PCDHGA8: variants seen among roughly 807,000 people sequenced by gnomAD.
The protein encoded by PCDHGA8 is protocadherin gamma-A8.
A neutral mutation model predicts 59.2 loss-of-function variants in PCDHGA8; 45 were observed. The observed-to-expected ratio is 0.76, with a 90% CI of 0.60 to 0.98. The LOEUF (loss-of-function observed/expected upper bound fraction) is 0.98, where lower values mean the gene tolerates loss of function less well. Ranked by LOEUF, PCDHGA8 falls within the 50% of genes least tolerant of loss-of-function variation. PCDHGA8 has a pLI of 0.00. For missense variants in PCDHGA8, 1,257 were observed against 1,196.2 expected, an observed-to-expected ratio of 1.05 and a Z score of -0.75; for synonymous variants, 531 against 519.0, an observed-to-expected ratio of 1.02 and a Z score of -0.32.
At chr5:141,425,391 A>G (rs2096872046) in intron 1 of PCDHGA8, among the ~76,000 whole-genome samples, 1 of 152,238 alleles carries the variant, frequency 6.6e-6, no homozygotes, top group South Asian at 2.1e-4. Flanking sequence ...AGGTAGTGAT[A>G]AAGTTCTGTT....
At chr5:141,427,845 G>C in intron 1 of PCDHGA8, 1 of 1,550,582 alleles carries the variant, frequency 6.4e-7, no homozygotes, top group Non-Finnish European at 8.8e-7. Context: ...CTTCGACCAC[G>C]AGCAGCTGTG....
chr5:141,394,071 A>G lies in PCDHGA8; in HGVS notation c.1258A>G (p.Ile420Val), dbSNP rs953618981. The stretch of plus-strand genomic sequence containing the variant: ...CCGAGAAAATGTCTCTATCTACAAT[A>G]TCACAGTGATGGCCTCAGATCTAGG... ...LDRENVSIYN[I>V]TVMASDLGTP... Residue 420 changes from isoleucine (I) to valine (V), a missense_variant, in exon 1 of 4, where the codon ATC becomes GTC. Physicochemically the swap from Ile to Val is conservative, Grantham distance 29. Transcript: ENST00000398604. The G allele has an allele frequency of 6.2e-7, 1 of 1,613,908 alleles. No homozygotes were observed. The highest frequency in any genetic ancestry group is 8.5e-7 in the Non-Finnish European group (1 of 1,179,842).
intron 1 of PCDHGA8, among the ~76,000 whole-genome samples, chr5:141,473,132 T>C (rs2099314792): frequency 6.6e-6 from 1 of 152,230 alleles, no homozygotes; most frequent in Non-Finnish European, 1.5e-5. Context: ...TGGCAAACTA[T>C]ATTATCTCTT....
chr5:141,431,442 TCC>T lies in PCDHGA8; in HGVS notation c.2424+36206_2424+36207del. ...CCGGTGCGCACAGGCACCGCGCGCATCCGCGTGATGGTTCTGGATGCGAACGA... is the reference window on the plus strand; with the variant it reads ...CCGGTGCGCACAGGCACCGCGCGCATGCGTGATGGTTCTGGATGCGAACGA... On this transcript the variant is annotated intron_variant, in intron 1 of 3. Transcript: ENST00000398604. This position sits in a 1 kb window ranked among gnomAD's most constrained non-coding sequence, Gnocchi z 4.8. 1 of 1,613,746 alleles carries T rather than the reference TCC, an allele frequency of 6.2e-7. No homozygotes were observed. The highest frequency in any genetic ancestry group is 1.3e-5 in the African/African-American group (1 of 75,074).
Position 141,392,991 on chromosome 5 carries a change from G to A in PCDHGA8, c.178G>A (p.Ala60Thr). 1 of 1,613,904 alleles carries A rather than the reference G, an allele frequency of 6.2e-7. No individual in the cohort carries two copies. Among genetic ancestry groups the A allele is most frequent in the Middle Eastern group, 1.7e-4 (1 of 6,054 alleles). Residue 60 changes from alanine (A) to threonine (T), a missense_variant, in exon 1 of 4, where the codon GCG (alanine) becomes ACG (threonine). Ala to Thr is a moderately conservative substitution (Grantham distance 58). Coordinates refer to ENST00000398604, the MANE Select transcript of PCDHGA8 (RefSeq NM_032088.2). The part of the protein sequence containing the change: ...KDLGLDPRKL[A>T]KHGVRIVSRG... The stretch of plus-strand genomic sequence containing the variant: ...CCTGGGGCTGGACCCCCGGAAGCTG[G>A]CGAAGCACGGAGTCCGTATCGTCTC...
chr5:141,408,316 G>T (rs1407149479), intron 1 of PCDHGA8: 2 of 1,613,750 alleles, frequency 1.2e-6, no homozygotes, highest in African/African-American at 1.3e-5. Flanking sequence ...ACTCGATTCC[G>T]GAGGAGCTGG....
chr5:141,432,610 C>T lies in PCDHGA8; in HGVS notation c.2424+37373C>T, dbSNP rs1481968343. 9.3e-6 allele frequency: 15 copies of T among 1,613,954 alleles called. No homozygotes were observed. Among genetic ancestry groups the T allele is most frequent in the Non-Finnish European group, 1.3e-5 (15 of 1,179,978 alleles). On this transcript the variant is annotated intron_variant, in intron 1 of 3. Transcript: ENST00000398604. This position sits in a 1 kb window ranked among gnomAD's most constrained non-coding sequence, Gnocchi z 6.0. The stretch of plus-strand genomic sequence containing the variant: ...TCAAGGCCAGCGAGCCGGGACTCTT[C>T]TCGGTGGGTCTGCACACGGGCGAGG...
At chr5:141,422,307 C>T in intron 1 of PCDHGA8, 4 of 1,547,552 alleles carry the variant, frequency 2.6e-6, no homozygotes, top group South Asian at 1.3e-5. Flanking sequence ...TTCTGGAAAA[C>T]TCTCCTCCAG....
Position 141,431,151 on chromosome 5 carries a change from C to T in PCDHGA8, c.2424+35914C>T, listed in dbSNP as rs764416448. The T allele has an allele frequency of 6.2e-7, 1 of 1,614,126 alleles. No individual in the cohort carries two copies. Among genetic ancestry groups the T allele is most frequent in the African/African-American group, 1.3e-5 (1 of 74,954 alleles). On this transcript the variant is annotated intron_variant, in intron 1 of 3. Coordinates refer to ENST00000398604, the MANE Select transcript of PCDHGA8 (RefSeq NM_032088.2). The surrounding 1 kb of genome is among the most constrained non-coding windows in gnomAD (Gnocchi z 4.8). ...GTAAGGGACATTAACGACAATGCGC[C>T]TTACTTTCGTGAAAGTGAATTAGAA...
Position 141,399,470 on chromosome 5 carries a change from T to C in PCDHGA8, c.2424+4233T>C, listed in dbSNP as rs773359741. 70 of 1,614,018 alleles carry C rather than the reference T, an allele frequency of 4.3e-5. No individual in the cohort carries two copies. The Middle Eastern group carries it at 4.9e-4, about 11-fold the overall frequency. On this transcript the variant is annotated intron_variant, in intron 1 of 3. Coordinates refer to ENST00000398604, the MANE Select transcript of PCDHGA8 (RefSeq NM_032088.2). ...GACGTCAACGATAACGCTCCGGTTT[T>C]CCACCAGGCGTCCTACTTAGTCAGT... is the stretch of plus-strand genomic sequence containing the variant.
chr5:141,419,923 G>A, intron 1 of PCDHGA8: 4 of 1,614,088 alleles, frequency 2.5e-6, no homozygotes, highest in Non-Finnish European at 3.4e-6. Flanking sequence ...AGGCTGAGAT[G>A]CAGTTTTACC....
intron 1 of PCDHGA8, among the ~76,000 whole-genome samples, chr5:141,463,316 T>A (rs1290852110): frequency 1.3e-5 from 2 of 151,806 alleles, no homozygotes; most frequent in African/African-American, 2.4e-5. Flanking sequence ...TAATATCTAT[T>A]CCTCAACTCA....
intron 1 of PCDHGA8, chr5:141,478,025 A>G (rs939969624): frequency 1.9e-6 from 3 of 1,614,146 alleles, no homozygotes; most frequent in Non-Finnish European, 2.5e-6. Flanking sequence ...AGTCCAAGAC[A>G]CAGATTCACC....
intron 1 of PCDHGA8, among the ~76,000 whole-genome samples, chr5:141,437,526 G>A (rs1199002765): frequency 1.3e-5 from 2 of 152,160 alleles, no homozygotes; most frequent in East Asian, 3.8e-4. Context: ...GATGACAAAT[G>A]AGCAAATTGT....
rs755163825 is a variant in PCDHGA8, at chr5:141,491,048, C to A, written c.2425-3759C>A. 6.2e-6 allele frequency: 10 copies of A among 1,613,948 alleles called. No individual in the cohort carries two copies. Among genetic ancestry groups the A allele is most frequent in the Non-Finnish European group, 7.6e-6 (9 of 1,179,960 alleles). ...GTGGATGCTGATGCAGGCCACAATG[C>A]GTGGCTCTCCTACTCACTGTTGCCA... On this transcript the variant is annotated intron_variant, in intron 1 of 3. Coordinates refer to ENST00000398604, the MANE Select transcript of PCDHGA8 (RefSeq NM_032088.2). The surrounding 1 kb of genome is among the most constrained non-coding windows in gnomAD (Gnocchi z 6.9).
Position 141,486,859 on chromosome 5 carries a change from T to C in PCDHGA8, c.2425-7948T>C, listed in dbSNP as rs1231188225. ...TTGTGCTGGACCTCAATGACAATGC[T>C]CCAGCTGTGCTCCGTCCTCGGGCCC... On this transcript the variant is annotated intron_variant, in intron 1 of 3. Transcript: ENST00000398604. The surrounding 1 kb of genome is among the most constrained non-coding windows in gnomAD (Gnocchi z 5.0). The C allele has an allele frequency of 1.9e-6, 3 of 1,614,242 alleles. No individual in the cohort carries two copies. The highest frequency in any genetic ancestry group is 2.7e-5 in the African/African-American group (2 of 75,072).
chr5:141,509,144 G>A (rs969990007), intron 3 of PCDHGA8, among the ~76,000 whole-genome samples: 1 of 152,114 alleles, frequency 6.6e-6, no homozygotes, highest in African/African-American at 2.4e-5. Context: ...GGCGCATCCC[G>A]GCTCTCCCCT....
intron 1 of PCDHGA8, chr5:141,422,204 GAGGTCTCTTTACCA>G: frequency 6.4e-7 from 1 of 1,562,138 alleles, no homozygotes. Flanking sequence ...CAAGATGGTG[GAGGTCTCTTTACCA>G]CCACGACGAT....
chr5:141,431,464 G>A lies in PCDHGA8; in HGVS notation c.2424+36227G>A. The A allele has an allele frequency of 1.9e-6, 3 of 1,613,782 alleles. No individual in the cohort carries two copies. Among genetic ancestry groups the A allele is most frequent in the Non-Finnish European group, 1.7e-6 (2 of 1,179,972 alleles). ...GCATCCGCGTGATGGTTCTGGATGC[G>A]AACGACAACGCACCAGCGTTTGCTC... On this transcript the variant is annotated intron_variant, in intron 1 of 3. Coordinates refer to ENST00000398604, the MANE Select transcript of PCDHGA8 (RefSeq NM_032088.2). This position sits in a 1 kb window ranked among gnomAD's most constrained non-coding sequence, Gnocchi z 4.8.
Sources: gnomAD v4.1 joint callset for allele counts (sites outside exome capture counted in the v4.1 genomes callset) on GRCh38, gnomAD v4.1.1 for gene constraint, Gnocchi (gnomAD v3.1) non-coding constraint, MANE v1.5 for transcripts, NCBI Gene and HGNC (gene_info 2026-07-23, HGNC 2026-07-21) for gene names.